WARS1: variants seen among roughly 807,000 people sequenced by gnomAD.
The protein encoded by WARS1 is tryptophanyl-tRNA synthetase 1, also known as tryptophan--tRNA ligase, cytoplasmic.
A neutral mutation model predicts 47.8 loss-of-function variants in WARS1; 17 were observed. The observed-to-expected ratio is 0.36, with a 90% CI of 0.24 to 0.53. WARS1 has a LOEUF of 0.53. Ranked by LOEUF, WARS1 falls within the 20% of genes least tolerant of loss-of-function variation. WARS1 has a pLI of 0.91. For synonymous variants in WARS1, 208 were observed against 228.1 expected, an observed-to-expected ratio of 0.91 and a Z score of 0.79; for missense variants, 434 against 608.0, an observed-to-expected ratio of 0.71 and a Z score of 3.01.
intron 6 of WARS1, chr14:100,353,186 A>T (rs1242220197): frequency 6.6e-6 from 1 of 152,666 alleles, no homozygotes; most frequent in East Asian, 1.9e-4. Flanking sequence ...AATCCTTTCT[A>T]TGTACATACA....
intron 1 of WARS1, among the ~76,000 whole-genome samples, chr14:100,372,024 C>A (rs759075131): frequency 6.6e-6 from 1 of 152,188 alleles, no homozygotes; most frequent in Non-Finnish European, 1.5e-5. Context: ...CTTCTCCTTG[C>A]TCATCCTGGC....
chr14:100,352,373 C>T (rs1895052591), intron 6 of WARS1, among the ~76,000 whole-genome samples: 1 of 152,144 alleles, frequency 6.6e-6, no homozygotes, highest in South Asian at 2.1e-4. Context: ...CCACCTCAGC[C>T]TCCCAAAGTG....
Position 100,334,226 on chromosome 14 carries a change from T to C in WARS1, c.*649A>G, listed in dbSNP as rs1308822026. On this transcript the variant is annotated 3_prime_UTR_variant, in exon 11 of 11. Transcript: ENST00000392882. ...AGTGGACTACATGCATGGTCTGGAGTTCAGTAAACTGGAAAGTTTCACCCC... is the reference window on the plus strand; with the variant it reads ...AGTGGACTACATGCATGGTCTGGAGCTCAGTAAACTGGAAAGTTTCACCCC... 1.3e-5 allele frequency: 2 copies of C among 152,570 alleles called. No individual in the cohort carries two copies. The highest frequency in any genetic ancestry group is 6.5e-5 in the Admixed American group (1 of 15,280). 9.5% of individuals were successfully genotyped at this position (152,570 alleles called of 1,614,324 possible). A position where few individuals can be genotyped will look rare whatever the true frequency, so the allele number is the denominator to read the frequency against.
chr14:100,335,423 G>C (rs1226364355), intron 10 of WARS1, among the ~76,000 whole-genome samples: 1 of 151,828 alleles, frequency 6.6e-6, no homozygotes, highest in Non-Finnish European at 1.5e-5. Context: ...CTGTTGCCAG[G>C]TTGGAGTGCA....
intron 6 of WARS1, among the ~76,000 whole-genome samples, chr14:100,350,547 G>A (rs1894912989): frequency 6.6e-6 from 1 of 152,164 alleles, no homozygotes; most frequent in Admixed American, 6.5e-5. Context: ...TCAGGTGGTG[G>A]TCTTTTCACA....
At chr14:100,365,494 C>A in intron 2 of WARS1, 1 of 265,662 alleles carries the variant, frequency 3.8e-6, no homozygotes, top group Admixed American at 4.7e-5. Flanking sequence ...GCAGGAGAAT[C>A]GCTCGAACTC....
chr14:100,368,893 A>T (rs1017806809), intron 2 of WARS1, among the ~76,000 whole-genome samples, 194 bp downstream of exon 2: 2 of 152,188 alleles, frequency 1.3e-5, no homozygotes, highest in Non-Finnish European at 2.9e-5. Context: ...CCCGGGAGGC[A>T]GAGGTTGCAG....
At chr14:100,349,765 G>A (rs746389938) in intron 6 of WARS1, among the ~76,000 whole-genome samples, 9 of 152,208 alleles carry the variant, frequency 5.9e-5, no homozygotes, top group Non-Finnish European at 1.2e-4. Context: ...AATGTGCAGG[G>A]GGAACTGCAC....
chr14:100,344,951 G>T (rs1473833828), intron 7 of WARS1, among the ~76,000 whole-genome samples: 3 of 151,184 alleles, frequency 2.0e-5, no homozygotes, highest in East Asian at 2.0e-4. Flanking sequence ...GGAGGGAGGT[G>T]GGGGGTCAGC....
At chr14:100,354,987 C>T (rs1378932944) in intron 4 of WARS1, among the ~76,000 whole-genome samples, 1 of 152,180 alleles carries the variant, frequency 6.6e-6, no homozygotes, top group East Asian at 1.9e-4. Context: ...CCAGACAGTC[C>T]TGGCTTAGCA....
chr14:100,376,235 C>A, upstream of WARS1: 1 of 421,676 alleles, frequency 2.4e-6, no homozygotes, highest in Non-Finnish European at 3.8e-6. Context: ...CCTCACTCCG[C>A]CCCGGCCTTA....
At chr14:100,338,967 G>T (rs376272064) in intron 9 of WARS1, among the ~76,000 whole-genome samples, 7 of 151,702 alleles carry the variant, frequency 4.6e-5, no homozygotes, top group African/African-American at 1.5e-4. Flanking sequence ...TTAGCTGGGC[G>T]TGGTGTCATG....
chr14:100,341,669 A>C (rs993477582), intron 9 of WARS1, among the ~76,000 whole-genome samples: 1 of 152,238 alleles, frequency 6.6e-6, no homozygotes, highest in Non-Finnish European at 1.5e-5. Flanking sequence ...AGGAAGCTCA[A>C]ACTAACTTCT....
chr14:100,342,574 G>A lies in WARS1; in HGVS notation c.940-3C>T, dbSNP rs1566839490. On this transcript the variant is annotated splice_polypyrimidine_tract_variant and splice_region_variant and intron_variant, in intron 8 of 10. Transcript: ENST00000392882. ...CTTGTCATTCTAAAGTAAGGATCCTGTGGGGAGAGTAAGGACCCTGATGAG... is the reference window on the plus strand; with the variant it reads ...CTTGTCATTCTAAAGTAAGGATCCTATGGGGAGAGTAAGGACCCTGATGAG... 1.9e-6 allele frequency: 3 copies of A among 1,608,058 alleles called. No individual in the cohort carries two copies. The highest frequency in any genetic ancestry group is 2.2e-5 in the South Asian group (2 of 90,746).
chr14:100,339,590 C>CAA (rs386382322), intron 9 of WARS1, among the ~76,000 whole-genome samples: 50,842 of 78,370 alleles, frequency 0.65, 17,100 homozygotes, highest in Admixed American at 0.75. Flanking sequence ...GACTCCGTCT[C>CAA]AAAAAAAAAA....
intron 8 of WARS1, 27 bp from the exon 9 acceptor site, chr14:100,342,598 A>G: frequency 6.3e-7 from 1 of 1,581,596 alleles, no homozygotes; most frequent in Non-Finnish European, 8.6e-7. Context: ...GACCCTGATG[A>G]GGGCGGCCAG....
At chr14:100,372,299 C>CT (rs1207632686) in intron 1 of WARS1, among the ~76,000 whole-genome samples, 1 of 151,970 alleles carries the variant, frequency 6.6e-6, no homozygotes, top group Non-Finnish European at 1.5e-5. Context: ...TAGTGAGACC[C>CT]TGTCTCTCCA....
intron 7 of WARS1, among the ~76,000 whole-genome samples, chr14:100,345,076 C>T (rs1405426109): frequency 6.7e-6 from 1 of 149,474 alleles, no homozygotes; most frequent in African/African-American, 2.5e-5. Context: ...CCCGGCCAGC[C>T]GCCCCGTCCG....
intron 6 of WARS1, among the ~76,000 whole-genome samples, chr14:100,349,319 T>G (rs752322171): frequency 2.6e-5 from 4 of 152,196 alleles, no homozygotes; most frequent in Non-Finnish European, 5.9e-5. Context: ...GTTAGCTGAT[T>G]CTCCCCATTA....
Sources: allele counts gnomAD v4.1 joint callset (sites outside exome capture counted in the v4.1 genomes callset), GRCh38; gene constraint gnomAD v4.1.1; transcripts MANE v1.5; gene names NCBI Gene and HGNC (gene_info 2026-07-23, HGNC 2026-07-21).